Variants in LHFPL7 observed in about 807,000 individuals in gnomAD.
LHFPL7 encodes the protein LHFPL tetraspan subfamily member 7.
the LHFPL7 span, among the ~76,000 whole-genome samples, chr22:24,942,242 C>T: frequency 6.6e-6 from 1 of 152,210 alleles, no homozygotes; most frequent in Admixed American, 6.5e-5. Context: ...GATCCACCCG[C>T]CTCGGCCTCC....
chr22:24,941,109 A>AGGTTT, the LHFPL7 span, among the ~76,000 whole-genome samples: 3 of 150,608 alleles, frequency 2.0e-5, no homozygotes, highest in Non-Finnish European at 4.4e-5. Context: ...GTGTGGAGTT[A>AGGTTT]GGTTTGCAAA....
At chr22:24,938,635 G>A in the LHFPL7 span, among the ~76,000 whole-genome samples, 2 of 152,186 alleles carry the variant, frequency 1.3e-5, no homozygotes, top group African/African-American at 4.8e-5. Flanking sequence ...CCTTTATTAA[G>A]CACTTGCTAC....
chr22:24,946,091 C>A, the LHFPL7 span, among the ~76,000 whole-genome samples: 11 of 152,318 alleles, frequency 7.2e-5, no homozygotes, highest in African/African-American at 2.4e-4. Context: ...GGGAGGATCA[C>A]GTGAGGTCAG....
chr22:24,941,985 T>A, the LHFPL7 span, among the ~76,000 whole-genome samples: 1 of 147,504 alleles, frequency 6.8e-6, no homozygotes, highest in African/African-American at 2.6e-5. Flanking sequence ...TGTATTTTAT[T>A]TATTTATTTA....
chr22:24,938,071 T>C, the LHFPL7 span: 3 of 1,340,172 alleles, frequency 2.2e-6, no homozygotes, highest in Admixed American at 4.6e-5. Flanking sequence ...GCTCACAGAC[T>C]CATTCATTCA....
At chr22:24,936,336 A>C in the LHFPL7 span, among the ~76,000 whole-genome samples, 1 of 151,702 alleles carries the variant, frequency 6.6e-6, no homozygotes, top group Non-Finnish European at 1.5e-5. Flanking sequence ...AATTTTTCCT[A>C]TCCTTGCATC....
chr22:24,940,688 TCTCCC>T, the LHFPL7 span, among the ~76,000 whole-genome samples: 50 of 64,558 alleles, frequency 7.7e-4, no homozygotes, highest in Non-Finnish European at 9.4e-4. Flanking sequence ...CTTCCTTCTC[TCTCCC>T]TCCCTCCTTC....
At chr22:24,938,070 C>CTCTTTCAT in the LHFPL7 span, 1 of 1,498,512 alleles carries the variant, frequency 6.7e-7, no homozygotes. Context: ...TGCTCACAGA[C>CTCTTTCAT]TCATTCATTC....
At chr22:24,945,345 A>G in the LHFPL7 span, among the ~76,000 whole-genome samples, 1 of 152,226 alleles carries the variant, frequency 6.6e-6, no homozygotes. Flanking sequence ...AGAAGTCTTC[A>G]GAAGATGACT....
At chr22:24,942,439 A>G in the LHFPL7 span, among the ~76,000 whole-genome samples, 3 of 152,384 alleles carry the variant, frequency 2.0e-5, no homozygotes, top group South Asian at 6.2e-4. Flanking sequence ...AAGGAAGCCC[A>G]GAAGGGTGAG....
At chr22:24,941,666 T>C in the LHFPL7 span, among the ~76,000 whole-genome samples, 2 of 151,842 alleles carry the variant, frequency 1.3e-5, no homozygotes, top group Non-Finnish European at 2.9e-5. Context: ...TTTTGTTTGT[T>C]TGTTTGTTCA....
chr22:24,944,879 G>A, the LHFPL7 span, among the ~76,000 whole-genome samples: 1 of 151,638 alleles, frequency 6.6e-6, no homozygotes, highest in African/African-American at 2.4e-5. Context: ...GCGCGATCTC[G>A]GCTCACCCCA....
the LHFPL7 span, among the ~76,000 whole-genome samples, chr22:24,941,545 G>C: frequency 9.3e-5 from 14 of 150,520 alleles, no homozygotes; most frequent in Non-Finnish European, 1.9e-4. Flanking sequence ...CAAATATTCA[G>C]TCCATAGCAA....
chr22:24,935,713 C>G, the LHFPL7 span: 2 of 1,337,934 alleles, frequency 1.5e-6, no homozygotes, highest in African/African-American at 3.0e-5. Context: ...CTCATTCATT[C>G]ATTTGCTTAT....
chr22:24,935,488 G>A, the LHFPL7 span: 22 of 1,613,876 alleles, frequency 1.4e-5, no homozygotes, highest in Non-Finnish European at 1.7e-5. Flanking sequence ...CCCCAACCCA[G>A]CCGGCACTTC....
chr22:24,939,258 C>T, the LHFPL7 span: 25 of 696,894 alleles, frequency 3.6e-5, no homozygotes, highest in Non-Finnish European at 5.5e-5. Context: ...CCTCGAATTC[C>T]GCTCAGCCAG....
chr22:24,936,311 A>G, the LHFPL7 span, among the ~76,000 whole-genome samples: 1 of 151,876 alleles, frequency 6.6e-6, no homozygotes, highest in Non-Finnish European at 1.5e-5. Flanking sequence ...CCATCCAACT[A>G]TATTCCATTC....
chr22:24,939,446 C>G, the LHFPL7 span: 1 of 703,054 alleles, frequency 1.4e-6, no homozygotes, highest in Admixed American at 2.0e-5. Context: ...AGGAGAAGGT[C>G]GGGGTCTGGA....
the LHFPL7 span, among the ~76,000 whole-genome samples, chr22:24,936,132 C>T: frequency 0.21 from 31,682 of 151,982 alleles, 4,048 homozygotes; most frequent in East Asian, 0.56. Context: ...ACTACACTTC[C>T]ACCCTTCTGT....
Sources: allele counts gnomAD v4.1 joint callset (sites outside exome capture counted in the v4.1 genomes callset), GRCh38; gene constraint gnomAD v4.1.1; transcripts MANE v1.5; gene names NCBI Gene and HGNC (gene_info 2026-07-23, HGNC 2026-07-21).